BRAF: variants seen among roughly 807,000 people sequenced by gnomAD.
The protein encoded by BRAF is serine/threonine-protein kinase B-raf.
BRAF carries 16 observed loss-of-function variants against 104.6 expected under a neutral mutation model. The ratio of observed to expected loss-of-function variants is 0.15; its 90% CI spans 0.10 to 0.23. The LOEUF is 0.23. BRAF is among the 10% of genes least tolerant of loss of function. The probability of loss-of-function intolerance (pLI) is 1.00; values close to 1 mark genes in which losing one functional copy is unlikely to be tolerated. For synonymous variants in BRAF, 310 were observed against 341.6 expected, an observed-to-expected ratio of 0.91 and a Z score of 1.02; for missense variants, 541 against 937.3, an observed-to-expected ratio of 0.58 and a Z score of 5.52.
chr7:140,749,126 T>C, intron 17 of BRAF, 161 bp downstream of exon 16: 1 of 815,448 alleles, frequency 1.2e-6, no homozygotes, highest in Non-Finnish European at 1.9e-6. Flanking sequence ...ACTTAACGTG[T>C]TGCTATTACT....
chr7:140,800,105 C>T, intron 7 of BRAF: 1 of 511,098 alleles, frequency 2.0e-6, no homozygotes, highest in Non-Finnish European at 3.5e-6. Context: ...GTTCAAGAAG[C>T]ATGTCACTGA....
chr7:140,747,873 T>C (rs1797478905), intron 17 of BRAF, among the ~76,000 whole-genome samples: 1 of 152,188 alleles, frequency 6.6e-6, no homozygotes, highest in Non-Finnish European at 1.5e-5. Context: ...TTATGTTCTT[T>C]AGCTGAAATT....
intron 3 of BRAF, among the ~76,000 whole-genome samples, chr7:140,832,987 C>T (rs1241607104): frequency 1.3e-5 from 2 of 151,764 alleles, no homozygotes; most frequent in Non-Finnish European, 2.9e-5. Context: ...CACTATCCTG[C>T]CTCAGCCTCC....
At position 140,787,125 on chromosome 7, in the gene BRAF, C is replaced by T. The variant is rs1277859082; in HGVS notation, c.1177+423G>A. On this transcript the variant is annotated intron_variant, in intron 9 of 19. Transcript: ENST00000644969. ...GACCATCCTGGCTAACACGGTGAAA[C>T]CCCGTCTCTACTAAAAATACAAAAA... 2.0e-5 allele frequency among the ~76,000 whole-genome samples: 3 copies of T among 151,774 alleles called. No homozygotes were observed. In the East Asian group the frequency reaches 5.8e-4, roughly 29 times the overall value.
intron 10 of BRAF, among the ~76,000 whole-genome samples, chr7:140,784,549 C>T (rs1045168204): frequency 2.0e-5 from 3 of 152,106 alleles, no homozygotes; most frequent in Non-Finnish European, 2.9e-5. Context: ...ATCTAAAGCA[C>T]CATTACTACA....
At chr7:140,905,116 G>A (rs1816157402) in intron 1 of BRAF, among the ~76,000 whole-genome samples, 1 of 152,126 alleles carries the variant, frequency 6.6e-6, no homozygotes, top group African/African-American at 2.4e-5. Context: ...TGTGTAGCCT[G>A]CCACTGTTGG....
chr7:140,884,427 A>ATGTGTGTGTGTG (rs1491354147), intron 1 of BRAF, among the ~76,000 whole-genome samples: 32 of 114,660 alleles, frequency 2.8e-4, no homozygotes, highest in African/African-American at 6.1e-4. Flanking sequence ...TATATATAAG[A>ATGTGTGTGTGTG]TATGTGTGTG....
chr7:140,728,655 A>G (rs767648023), intron 19 of BRAF, among the ~76,000 whole-genome samples: 26 of 152,158 alleles, frequency 1.7e-4, no homozygotes, highest in Non-Finnish European at 3.1e-4. Context: ...ATATACAAAC[A>G]TTCTTACTAT....
At chr7:140,803,907 T>C (rs749719716) in intron 5 of BRAF, among the ~76,000 whole-genome samples, 6 of 152,180 alleles carry the variant, frequency 3.9e-5, no homozygotes, top group Admixed American at 6.6e-5. Flanking sequence ...ATTCTTGAGA[T>C]GGAGTCTCGC....
At chr7:140,733,863 G>T in intron 19 of BRAF, 1 of 460,362 alleles carries the variant, frequency 2.2e-6, no homozygotes, top group Non-Finnish European at 2.9e-6. Flanking sequence ...TTCTACATGA[G>T]CGAGACATCC....
intron 1 of BRAF, among the ~76,000 whole-genome samples, chr7:140,884,423 TAAG>T (rs1813295129): frequency 7.3e-6 from 1 of 136,108 alleles, no homozygotes; most frequent in African/African-American, 2.8e-5. Flanking sequence ...TATATATATA[TAAG>T]ATATGTGTGT....
chr7:140,760,136 G>A (rs1798550931), intron 14 of BRAF, among the ~76,000 whole-genome samples: 1 of 152,166 alleles, frequency 6.6e-6, no homozygotes, highest in Non-Finnish European at 1.5e-5. Flanking sequence ...TTCCTGGCTA[G>A]GCACAGTGGA....
At chr7:140,918,263 A>G (rs990611978) in intron 1 of BRAF, among the ~76,000 whole-genome samples, 9 of 152,194 alleles carry the variant, frequency 5.9e-5, no homozygotes, top group Admixed American at 2.6e-4. Flanking sequence ...CATGGAAGAC[A>G]ATTTTTCCAT....
At chr7:140,843,857 A>C (rs1808258980) in intron 2 of BRAF, among the ~76,000 whole-genome samples, 1 of 151,836 alleles carries the variant, frequency 6.6e-6, no homozygotes, top group Admixed American at 6.6e-5. Context: ...TACAAAAACA[A>C]AATTAGATGG....
At position 140,723,725 on chromosome 7, in the gene BRAF, A is replaced by T. The variant is rs967704823; in HGVS notation, c.*2769T>A. On this transcript the variant is annotated 3_prime_UTR_variant, in exon 20 of 20. Transcript: ENST00000644969. ...CCTCTCCCTACCAAAAATAAAACACACTACAGAAGGCACTGCAGCCACTTT... is the reference window on the plus strand; with the variant it reads ...CCTCTCCCTACCAAAAATAAAACACTCTACAGAAGGCACTGCAGCCACTTT... 6.7e-6 allele frequency: 7 copies of T among 1,049,808 alleles called. No homozygotes were observed. In the East Asian group the frequency reaches 3.8e-4, roughly 58 times the overall value. The allele number at this position is 1,049,808 out of a possible 1,614,324, so 65.0% of individuals were successfully genotyped here. A position where few individuals can be genotyped will look rare whatever the true frequency, so the allele number is the denominator to read the frequency against.
intron 1 of BRAF, among the ~76,000 whole-genome samples, chr7:140,909,007 TTA>T (rs2129137689): frequency 6.6e-6 from 1 of 151,606 alleles, no homozygotes; most frequent in South Asian, 2.1e-4. Flanking sequence ...TTTTTTTTTT[TTA>T]ATACTGTTTC....
At chr7:140,900,591 C>A (rs1478247338) in intron 1 of BRAF, among the ~76,000 whole-genome samples, 1 of 152,166 alleles carries the variant, frequency 6.6e-6, no homozygotes, top group Non-Finnish European at 1.5e-5. Flanking sequence ...TTCATCTCCT[C>A]TTTCTGTTGT....
chr7:140,784,233 CTG>C (rs1013846328), intron 10 of BRAF, among the ~76,000 whole-genome samples: 3 of 152,170 alleles, frequency 2.0e-5, no homozygotes, highest in African/African-American at 7.2e-5. Context: ...AATGTTTAAT[CTG>C]TAGAAAATGT....
At chr7:140,756,360 T>C (rs1026266230) in intron 14 of BRAF, among the ~76,000 whole-genome samples, 1 of 152,112 alleles carries the variant, frequency 6.6e-6, no homozygotes, top group Non-Finnish European at 1.5e-5. Flanking sequence ...AGTCCAGGTC[T>C]GTAGAATGAA....
Sources: allele counts gnomAD v4.1 joint callset (sites outside exome capture counted in the v4.1 genomes callset), GRCh38; gene constraint gnomAD v4.1.1; transcripts MANE v1.5; gene names NCBI Gene and HGNC (gene_info 2026-07-23, HGNC 2026-07-21).